The following B4GALNT3 variants were observed in gnomAD, a reference collection of about 807,000 sequenced individuals.
B4GALNT3 encodes the protein beta-1,4-N-acetylgalactosaminyltransferase 3.
B4GALNT3 carries 86 observed loss-of-function variants against 120.2 expected under a neutral mutation model. The ratio of observed to expected loss-of-function variants is 0.72; its 90% confidence interval spans 0.60 to 0.86. B4GALNT3 has a LOEUF of 0.86. Among genes scored for constraint, B4GALNT3 ranks in the 40% least tolerant of loss-of-function variants. The probability of loss-of-function intolerance (pLI) is 0.00; values close to 1 mark genes in which losing one functional copy is unlikely to be tolerated. For synonymous variants in B4GALNT3, 518 were observed against 510.4 expected, an observed-to-expected ratio of 1.01 and a Z score of -0.20; for missense variants, 1,167 against 1,298.9, an observed-to-expected ratio of 0.90 and a Z score of 1.56.
Position 557,721 on chromosome 12 carries a change from A to G in B4GALNT3, c.2494A>G (p.Met832Val), listed in dbSNP as rs1947174339. 6.2e-7 allele frequency: 1 copy of G among 1,603,984 alleles called. No homozygotes were observed. The highest frequency in any genetic ancestry group is 8.5e-7 in the Non-Finnish European group (1 of 1,177,032). The change falls in exon 16 of 20, where the codon ATG (methionine) becomes GTG (valine). Residue 832 changes from methionine (M) to valine (V), a missense_variant. Met to Val is a conservative substitution (Grantham distance 21). This residue lies in a region of B4GALNT3 where 983 missense variants were observed against 1,102.5 expected (regional missense o/e 0.89). Coordinates refer to ENST00000266383, the MANE Select transcript of B4GALNT3 (RefSeq NM_173593.4). ...IVITDYSSED[M>V]DVEMALKRSK... ...CATCACTGACTATAGCAGTGAGGAC[A>G]TGGATGTTGAGATGGCACTGAAGAG...
At chr12:497,176 G>A (rs1436494914) in intron 1 of B4GALNT3, among the ~76,000 whole-genome samples, 9 of 151,612 alleles carry the variant, frequency 5.9e-5, no homozygotes, top group African/African-American at 9.7e-5. Flanking sequence ...TTTTTGAGAC[G>A]GAGTTTCGCT....
At chr12:512,079 C>T (rs1327624650) in intron 1 of B4GALNT3, among the ~76,000 whole-genome samples, 4 of 136,276 alleles carry the variant, frequency 2.9e-5, no homozygotes, top group African/African-American at 1.2e-4. Context: ...CAACCTTCCA[C>T]CTTCGACCTT....
At chr12:515,190 CGTT>C (rs1014705194) in intron 1 of B4GALNT3, among the ~76,000 whole-genome samples, 13 of 151,946 alleles carry the variant, frequency 8.6e-5, no homozygotes, top group South Asian at 4.2e-4. Context: ...TTGTTGTTGT[CGTT>C]GTTGTTGTTT....
intron 3 of B4GALNT3, 46 bp downstream of exon 3, chr12:536,341 T>C: frequency 6.7e-7 from 1 of 1,494,102 alleles, no homozygotes; most frequent in Non-Finnish European, 9.3e-7. Context: ...AGCTAAAAAA[T>C]AATGTTTACA....
rs72425704 is a variant in B4GALNT3 at position 524,639 on chromosome 12, TAA to T, written c.170-10513_170-10512del. On this transcript the variant is annotated intron_variant, in intron 1 of 19. Transcript: ENST00000266383. ...GTGTGAGATACTTGTTAAGACATGT[TAA>T]AAAAAAAAAAAAAGAAAAAAGAAAA... is the stretch of plus-strand genomic sequence containing the variant. Among the ~76,000 whole-genome samples the T allele has an allele frequency of 5.6e-4, 73 of 130,830 alleles. 1 individual carries two copies. Among genetic ancestry groups the T allele is most frequent in the African/African-American group, 1.6e-3 (62 of 38,280 alleles). The allele number at this position is 130,830 out of a possible 152,430, so 85.8% of individuals were successfully genotyped here. A position where few individuals can be genotyped will look rare whatever the true frequency, so the allele number is the denominator to read the frequency against.
chr12:526,921 T>C (rs1476196432), intron 1 of B4GALNT3, among the ~76,000 whole-genome samples: 1 of 151,912 alleles, frequency 6.6e-6, no homozygotes, highest in Non-Finnish European at 1.5e-5. Flanking sequence ...AGACTTTGTG[T>C]TTTTGTTTTT....
intron 14 of B4GALNT3, among the ~76,000 whole-genome samples, chr12:554,762 C>CAGTCCGGG (rs1947130651): frequency 9.2e-6 from 1 of 108,400 alleles, no homozygotes; most frequent in Non-Finnish European, 1.8e-5. Flanking sequence ...TGCACTCCAG[C>CAGTCCGGG]CTGGGCGACA....
intron 1 of B4GALNT3, among the ~76,000 whole-genome samples, chr12:503,943 C>G (rs183864801): frequency 6.6e-6 from 1 of 151,966 alleles, no homozygotes. Context: ...GGTGAAACCC[C>G]GTCTCTACCA....
At position 462,808 on chromosome 12, in the gene B4GALNT3, A is replaced by G. The variant is rs527526890; in HGVS notation, c.169+2263A>G. 3.3e-5 allele frequency among the ~76,000 whole-genome samples: 5 copies of G among 152,190 alleles called. No homozygotes were observed. In the South Asian group the frequency reaches 1.0e-3, roughly 32 times the overall value. On this transcript the variant is annotated intron_variant, in intron 1 of 19. Coordinates refer to ENST00000266383, the MANE Select transcript of B4GALNT3 (RefSeq NM_173593.4). The stretch of plus-strand genomic sequence containing the variant: ...TGTGGTTTCTGCCTCCTTGTCTCCC[A>G]TCCTTTTTTGTTGTTAAGAAGCCCA...
chr12:556,137 G>A lies in B4GALNT3; in HGVS notation c.2061-410G>A, dbSNP rs117216866. 2.0e-5 allele frequency among the ~76,000 whole-genome samples: 3 copies of A among 152,180 alleles called. No homozygotes were observed. The East Asian group carries it at 5.8e-4, about 29-fold the overall frequency. On this transcript the variant is annotated intron_variant, in intron 14 of 19. Transcript: ENST00000266383. The stretch of plus-strand genomic sequence containing the variant: ...TGAGTGTGAAATGGTATCACACTGT[G>A]GTTTTGATTTTTATTTCTCTAGTGA...
At chr12:531,798 C>A (rs987147178) in intron 1 of B4GALNT3, among the ~76,000 whole-genome samples, 4 of 152,132 alleles carry the variant, frequency 2.6e-5, no homozygotes, top group Admixed American at 2.6e-4. Context: ...GGTACTAAGA[C>A]CCCACGCTAG....
intron 15 of B4GALNT3, among the ~76,000 whole-genome samples, chr12:557,165 A>C (rs1410118802): frequency 6.6e-6 from 1 of 152,092 alleles, no homozygotes; most frequent in Non-Finnish European, 1.5e-5. Flanking sequence ...TGGTCTGGGG[A>C]AGTAAGACGG....
intron 15 of B4GALNT3, among the ~76,000 whole-genome samples, chr12:557,325 C>T (rs1047322127): frequency 6.6e-6 from 1 of 152,144 alleles, no homozygotes; most frequent in Non-Finnish European, 1.5e-5. Context: ...TAGAGCGTGG[C>T]AGGGCTACTG....
intron 1 of B4GALNT3, among the ~76,000 whole-genome samples, chr12:511,406 T>TCCTTCCACCTTCCACCTTCCA (rs143525841): frequency 2.8e-5 from 2 of 70,816 alleles, no homozygotes; most frequent in East Asian, 5.6e-4. Flanking sequence ...TCTTCCACCT[T>TCCTTCCACCTTCCACCTTCCA]CCTTCCACCT....
In B4GALNT3 at chr12:544,955, T is replaced by A; in HGVS notation, c.521T>A (p.Leu174Gln). Residue 174 changes from leucine (L) to glutamine (Q), a missense_variant, in exon 5 of 20, where the codon CTG becomes CAG. Around this residue, in one of 3 missense-constraint regions of B4GALNT3, gnomAD observed 983 missense variants for 1,102.5 expected, o/e 0.89. Coordinates refer to ENST00000266383, the MANE Select transcript of B4GALNT3 (RefSeq NM_173593.4). ...TNYGLRIFGY[L>Q]HPFTDGKIQF... ...TATGGCCTCCGCATCTTTGGCTACC[T>A]GCACCCCTTTACTGATGGTGAGGCC... 6.2e-7 allele frequency: 1 copy of A among 1,613,988 alleles called. No individual in the cohort carries two copies. The highest frequency in any genetic ancestry group is 8.5e-7 in the Non-Finnish European group (1 of 1,179,966).
intron 11 of B4GALNT3, 26 bp downstream of exon 11, chr12:551,057 G>T: frequency 6.4e-7 from 1 of 1,558,000 alleles, no homozygotes; most frequent in Non-Finnish European, 8.8e-7. Context: ...GGGTCATGGA[G>T]AGCAGGGCTG....
At chr12:477,475 T>C (rs1946195927) in intron 1 of B4GALNT3, among the ~76,000 whole-genome samples, 1 of 152,208 alleles carries the variant, frequency 6.6e-6, no homozygotes, top group Non-Finnish European at 1.5e-5. Context: ...GAAGTTATTG[T>C]TGATGTTGAA....
At chr12:492,256 TAAGC>T (rs1168968386) in intron 1 of B4GALNT3, among the ~76,000 whole-genome samples, 1 of 152,180 alleles carries the variant, frequency 6.6e-6, no homozygotes, top group East Asian at 1.9e-4. Flanking sequence ...CTGGAACTAA[TAAGC>T]AAGTATAGAA....
intron 1 of B4GALNT3, among the ~76,000 whole-genome samples, chr12:503,804 T>C (rs1421123446): frequency 2.0e-5 from 3 of 152,158 alleles, no homozygotes; most frequent in Non-Finnish European, 4.4e-5. Context: ...GTTGACCACC[T>C]ACTGCCTTCT....
Sources: allele counts gnomAD v4.1 joint callset (sites outside exome capture counted in the v4.1 genomes callset), GRCh38; gene constraint gnomAD v4.1.1; regional missense constraint gnomAD v4.1.1; transcripts MANE v1.5; gene names NCBI Gene and HGNC (gene_info 2026-07-23, HGNC 2026-07-21).